Variants in ASIC2 observed in about 807,000 individuals in gnomAD.
ASIC2 encodes the protein acid sensing ion channel subunit 2, also known as acid-sensing ion channel 2.
In ASIC2, 25 loss-of-function variants were observed where a neutral mutation model predicts 57.3. That is an observed-to-expected ratio of 0.44 (90% confidence interval 0.32 to 0.61). The LOEUF is 0.61. Among genes scored for constraint, ASIC2 ranks in the 20% least tolerant of loss-of-function variants. The probability of loss-of-function intolerance (pLI) is 0.06; values close to 1 mark genes in which losing one functional copy is unlikely to be tolerated. For synonymous variants in ASIC2, 319 were observed against 307.5 expected, an observed-to-expected ratio of 1.04 and a Z score of -0.39; for missense variants, 641 against 738.1, an observed-to-expected ratio of 0.87 and a Z score of 1.52.
intron 1 of ASIC2, among the ~76,000 whole-genome samples, chr17:33,655,267 A>G (rs1907043872): frequency 6.6e-6 from 1 of 152,260 alleles, no homozygotes; most frequent in Non-Finnish European, 1.5e-5. Context: ...TGTGAGAGTT[A>G]GGTCTCTAAA....
At chr17:33,899,969 A>G (rs1254941024) in intron 1 of ASIC2, among the ~76,000 whole-genome samples, 1 of 152,232 alleles carries the variant, frequency 6.6e-6, no homozygotes, top group East Asian at 1.9e-4. Context: ...ATGGTACAAT[A>G]TCTTATGGGA....
chr17:33,500,218 T>C (rs55649017), intron 1 of ASIC2, among the ~76,000 whole-genome samples: 1,682 of 152,182 alleles, frequency 0.011, 26 homozygotes, highest in African/African-American at 0.038. Context: ...TCCTCCTTTT[T>C]TGAATGGGGT....
At chr17:33,153,268 C>T (rs186302125) in intron 1 of ASIC2, among the ~76,000 whole-genome samples, 7 of 152,358 alleles carry the variant, frequency 4.6e-5, no homozygotes, top group Non-Finnish European at 1.0e-4. Context: ...AACTCCTCCC[C>T]TGTCCTTTCT....
chr17:33,730,734 C>G lies in ASIC2; in HGVS notation c.555+425244G>C, dbSNP rs945949671. On this transcript the variant is annotated intron_variant, in intron 1 of 9. Transcript: ENST00000359872. ...GATTTGAACTCAGTTCTCTGTGTCTCCAAAGTTCACTATTTTCCCCTTTTC... is the reference window on the plus strand; with the variant it reads ...GATTTGAACTCAGTTCTCTGTGTCTGCAAAGTTCACTATTTTCCCCTTTTC... Among the ~76,000 whole-genome samples the G allele has an allele frequency of 8.5e-5, 13 of 152,186 alleles. 1 individual carries two copies. Among genetic ancestry groups the G allele is most frequent in the Admixed American group, 8.5e-4 (13 of 15,284 alleles).
chr17:33,477,276 C>A (rs1168027046), intron 1 of ASIC2, among the ~76,000 whole-genome samples: 1 of 152,144 alleles, frequency 6.6e-6, no homozygotes, highest in Non-Finnish European at 1.5e-5. Context: ...CCAGTAACAT[C>A]TAAAAATCCC....
intron 1 of ASIC2, among the ~76,000 whole-genome samples, chr17:33,691,152 C>G (rs769807993): frequency 7.9e-5 from 12 of 152,164 alleles, no homozygotes; most frequent in Non-Finnish European, 1.5e-4. Flanking sequence ...TACTTCCAAA[C>G]TTTTGTTGTT....
At chr17:33,369,190 C>T (rs1313934368) in intron 1 of ASIC2, among the ~76,000 whole-genome samples, 2 of 152,162 alleles carry the variant, frequency 1.3e-5, no homozygotes, top group Non-Finnish European at 2.9e-5. Flanking sequence ...AGGAGGGTCA[C>T]CAAGAACCTG....
chr17:34,108,132 AG>A (rs1911129037), intron 1 of ASIC2, among the ~76,000 whole-genome samples: 1 of 152,118 alleles, frequency 6.6e-6, no homozygotes, highest in South Asian at 2.1e-4. Flanking sequence ...TCAGTTCACA[AG>A]GATCTTCCTT....
chr17:33,262,805 A>G lies in ASIC2; in HGVS notation c.708+28603T>C, dbSNP rs1909333420. Reference sequence around the variant, plus strand: ...CTATAAGGGAAAAGAATAAAGTACTATGAGAGGGAAAAGGAGGGTCAGAAT... The same window carrying G: ...CTATAAGGGAAAAGAATAAAGTACTGTGAGAGGGAAAAGGAGGGTCAGAAT... On this transcript the variant is annotated intron_variant, in intron 1 of 9. Transcript: ENST00000225823. Among the ~76,000 whole-genome samples the G allele has an allele frequency of 2.0e-5, 3 of 152,186 alleles. 1 individual carries two copies. The highest frequency in any genetic ancestry group is 4.1e-4 in the South Asian group (2 of 4,828).
intron 1 of ASIC2, among the ~76,000 whole-genome samples, chr17:33,822,477 T>G (rs1567725431): frequency 6.6e-6 from 1 of 152,204 alleles, no homozygotes; most frequent in African/African-American, 2.4e-5. Flanking sequence ...ATCTTTTACT[T>G]TATTTTAATA....
intron 1 of ASIC2, among the ~76,000 whole-genome samples, chr17:34,116,443 T>A (rs1178426084): frequency 6.6e-6 from 1 of 152,154 alleles, no homozygotes; most frequent in East Asian, 1.9e-4. Flanking sequence ...CTGCTCTGAG[T>A]AAAGGCTTTA....
intron 1 of ASIC2, among the ~76,000 whole-genome samples, chr17:33,123,938 C>A (rs576219999): frequency 1.3e-5 from 2 of 152,302 alleles, no homozygotes; most frequent in East Asian, 3.9e-4. Flanking sequence ...TTCTACAGGG[C>A]TGCATTGAAA....
At chr17:33,551,648 G>A (rs1450552746) in intron 1 of ASIC2, among the ~76,000 whole-genome samples, 2 of 152,042 alleles carry the variant, frequency 1.3e-5, no homozygotes, top group African/African-American at 4.8e-5. Flanking sequence ...CTTCCCCTAG[G>A]ACCCCCAGCT....
At chr17:33,926,016 A>C (rs557875081) in intron 1 of ASIC2, among the ~76,000 whole-genome samples, 1 of 152,342 alleles carries the variant, frequency 6.6e-6, no homozygotes, top group African/African-American at 2.4e-5. Flanking sequence ...AAATACAGGA[A>C]ATAATCACTG....
intron 1 of ASIC2, among the ~76,000 whole-genome samples, chr17:33,462,337 A>T (rs944397895): frequency 7.2e-5 from 11 of 152,234 alleles, no homozygotes; most frequent in Non-Finnish European, 1.5e-4. Flanking sequence ...AATTCTAGTC[A>T]AAACAGGATA....
chr17:33,618,852 C>A (rs1385817538), intron 1 of ASIC2, among the ~76,000 whole-genome samples: 1 of 152,198 alleles, frequency 6.6e-6, no homozygotes, highest in Non-Finnish European at 1.5e-5. Context: ...CTCAAGTACA[C>A]CAGGCTCTCT....
At chr17:33,949,888 C>T (rs1783406323) in intron 1 of ASIC2, among the ~76,000 whole-genome samples, 1 of 152,172 alleles carries the variant, frequency 6.6e-6, no homozygotes, top group Non-Finnish European at 1.5e-5. Context: ...GTCTACAATT[C>T]CCAATGAGAA....
At chr17:34,068,509 A>G (rs1314651102) in intron 1 of ASIC2, among the ~76,000 whole-genome samples, 3 of 152,124 alleles carry the variant, frequency 2.0e-5, no homozygotes, top group Non-Finnish European at 4.4e-5. Flanking sequence ...TTCCAATCCC[A>G]CCTCTGCCAC....
chr17:33,448,330 TC>T (rs1294234680), intron 1 of ASIC2, among the ~76,000 whole-genome samples: 6 of 152,078 alleles, frequency 3.9e-5, no homozygotes, highest in African/African-American at 1.4e-4. Context: ...CTGAATGGAG[TC>T]CCCAGATATA....
Sources: allele counts gnomAD v4.1 joint callset (sites outside exome capture counted in the v4.1 genomes callset), GRCh38; gene constraint gnomAD v4.1.1; transcripts MANE v1.5; gene names NCBI Gene and HGNC (gene_info 2026-07-23, HGNC 2026-07-21).